Variants in CNN3 observed in about 807,000 individuals in gnomAD.
The protein encoded by CNN3 is calponin-3.
In CNN3, 11 loss-of-function variants were observed where a neutral mutation model predicts 39.0. The observed-to-expected ratio is 0.28, with a 90% CI of 0.18 to 0.47. The LOEUF is 0.47. Among genes scored for constraint, CNN3 ranks in the 20% least tolerant of loss-of-function variants. CNN3 has a pLI of 0.99. For synonymous variants in CNN3, 101 were observed against 138.3 expected, an observed-to-expected ratio of 0.73 and a Z score of 1.89; for missense variants, 266 against 403.4, an observed-to-expected ratio of 0.66 and a Z score of 2.92.
intron 1 of CNN3, among the ~76,000 whole-genome samples, chr1:94,918,493 C>A (rs1346139365): frequency 3.3e-5 from 1 of 29,962 alleles, no homozygotes; most frequent in Non-Finnish European, 7.7e-5. Flanking sequence ...GACTGTCTCC[C>A]AAAAAAAATA....
At chr1:94,906,881 T>C (rs1671013329) in intron 1 of CNN3, among the ~76,000 whole-genome samples, 1 of 152,370 alleles carries the variant, frequency 6.6e-6, no homozygotes, top group Non-Finnish European at 1.5e-5. Flanking sequence ...TTGTTCAAAA[T>C]GTGTCCAACA....
chr1:94,922,692 T>A (rs140915271), intron 1 of CNN3, among the ~76,000 whole-genome samples: 1 of 152,304 alleles, frequency 6.6e-6, no homozygotes, highest in Non-Finnish European at 1.5e-5. Context: ...CCTGGGTTAC[T>A]CTGATCAGAA....
chr1:94,914,167 G>GGACCTCTA (rs1338808712), intron 1 of CNN3, among the ~76,000 whole-genome samples: 1 of 152,176 alleles, frequency 6.6e-6, no homozygotes, highest in Non-Finnish European at 1.5e-5. Context: ...CTCTTCAGCA[G>GGACCTCTA]GACCTCTAGG....
chr1:94,914,647 C>G (rs1671239726), intron 1 of CNN3, among the ~76,000 whole-genome samples: 1 of 152,156 alleles, frequency 6.6e-6, no homozygotes, highest in South Asian at 2.1e-4. Flanking sequence ...GAGTCTAGAT[C>G]CAGGTCTAGA....
chr1:94,927,040 G>C lies in CNN3; in HGVS notation c.-146C>G, dbSNP rs1571542517. 2.4e-6 allele frequency: 2 copies of C among 823,686 alleles called. No homozygotes were observed. The highest frequency in any genetic ancestry group is 3.4e-4 in the Middle Eastern group (1 of 2,982). The allele number at this position is 823,686 out of a possible 1,614,324, so 51.0% of individuals were successfully genotyped here. The stretch of plus-strand genomic sequence containing the variant: ...GGCGCAGGAGACGGCCGCGGGGCGC[G>C]GGCGGTGCCTGGGCGACTGGGTCCA... On this transcript the variant is annotated 5_prime_UTR_variant, in exon 1 of 7. Coordinates refer to ENST00000370206, the MANE Select transcript of CNN3 (RefSeq NM_001839.5).
rs1671282973 is a variant in CNN3 at position 94,916,532 on chromosome 1, C to T, written c.57+10306G>A. ...GCCTCTCTGTAGCACCTAGTATTTT[C>T]CAGGAGGGCCCTCTAATCTCTCCTC... is the stretch of plus-strand genomic sequence containing the variant. On this transcript the variant is annotated intron_variant, in intron 1 of 6. Coordinates refer to ENST00000370206, the MANE Select transcript of CNN3 (RefSeq NM_001839.5). Among the ~76,000 whole-genome samples, 2 of 152,178 alleles carry T rather than the reference C, an allele frequency of 1.3e-5. 1 individual carries two copies. Among genetic ancestry groups the T allele is most frequent in the South Asian group, 4.1e-4 (2 of 4,834 alleles).
At chr1:94,903,853 CTTTAAGG>C (rs1670932779) in intron 1 of CNN3, among the ~76,000 whole-genome samples, 1 of 152,148 alleles carries the variant, frequency 6.6e-6, no homozygotes, top group African/African-American at 2.4e-5. Flanking sequence ...GGCACTCAAA[CTTTAAGG>C]TTTAAGTCAT....
chr1:94,913,910 G>T (rs1395482828), intron 1 of CNN3, among the ~76,000 whole-genome samples: 3 of 152,196 alleles, frequency 2.0e-5, no homozygotes, highest in Non-Finnish European at 4.4e-5. Context: ...CTCCAAGAAA[G>T]CTTGTTGGAG....
At chr1:94,912,314 A>G (rs900478275) in intron 1 of CNN3, among the ~76,000 whole-genome samples, 1 of 152,238 alleles carries the variant, frequency 6.6e-6, no homozygotes, top group Non-Finnish European at 1.5e-5. Context: ...AGACTCAGAA[A>G]TAACAAGTAA....
chr1:94,926,334 C>T lies in CNN3; in HGVS notation c.57+504G>A, dbSNP rs920168628. On this transcript the variant is annotated intron_variant, in intron 1 of 6. Coordinates refer to ENST00000370206, the MANE Select transcript of CNN3 (RefSeq NM_001839.5). The surrounding 1 kb of genome is among the most constrained non-coding windows in gnomAD (Gnocchi z 4.2). The stretch of plus-strand genomic sequence containing the variant: ...GACCGGCTTCCGTTCCTCGGGGCCC[C>T]TGGGGTCGGCGGGACATTAGGCGGT... Among the ~76,000 whole-genome samples the T allele has an allele frequency of 3.3e-5, 5 of 152,168 alleles. No homozygotes were observed. The highest frequency in any genetic ancestry group is 1.2e-4 in the African/African-American group (5 of 41,468).
chr1:94,904,373 G>A (rs1241987106), intron 1 of CNN3, among the ~76,000 whole-genome samples: 4 of 151,992 alleles, frequency 2.6e-5, no homozygotes, highest in Non-Finnish European at 5.9e-5. Context: ...ACAAAATATT[G>A]TGAAAAAAAT....
chr1:94,902,299 T>C lies in CNN3; in HGVS notation c.247-41A>G, dbSNP rs370055044. ...GTTTTATAATTTCTGGAGCTAAATA[T>C]TGACATTCATAATTTCTAAGAATTC... On this transcript the variant is annotated intron_variant, in intron 3 of 6. Transcript: ENST00000370206. The C allele has an allele frequency of 1.2e-5, 18 of 1,542,154 alleles. No individual in the cohort carries two copies. The East Asian group carries it at 2.9e-4, about 25-fold the overall frequency.
intron 5 of CNN3, among the ~76,000 whole-genome samples, chr1:94,900,432 T>C (rs1262916167): frequency 6.6e-6 from 1 of 152,226 alleles, no homozygotes; most frequent in Non-Finnish European, 1.5e-5. Context: ...CATGTGCATT[T>C]TTAATTTTAA....
rs1671567737 is a variant in CNN3 at position 94,926,026 on chromosome 1, G to A, written c.57+812C>T. ...CATTCTTGGGCTCAGTGGCAAAGCT[G>A]AGCGTCACCAAATCCCAATCGCTCC... On this transcript the variant is annotated intron_variant, in intron 1 of 6. Coordinates refer to ENST00000370206, the MANE Select transcript of CNN3 (RefSeq NM_001839.5). The surrounding 1 kb of genome is among the most constrained non-coding windows in gnomAD (Gnocchi z 4.2). 6.6e-6 allele frequency among the ~76,000 whole-genome samples: 1 copy of A among 152,140 alleles called. No individual in the cohort carries two copies. Among genetic ancestry groups the A allele is most frequent in the African/African-American group, 2.4e-5 (1 of 41,424 alleles).
chr1:94,908,986 A>AG (rs1318432877), intron 1 of CNN3, among the ~76,000 whole-genome samples: 2 of 149,864 alleles, frequency 1.3e-5, no homozygotes, highest in Admixed American at 6.7e-5. Context: ...CTTTAAAAAA[A>AG]AAAAAAAAAA....
chr1:94,917,385 G>A (rs894439939), intron 1 of CNN3, among the ~76,000 whole-genome samples: 3 of 152,106 alleles, frequency 2.0e-5, no homozygotes, highest in South Asian at 2.1e-4. Flanking sequence ...TGGAAAAAAC[G>A]CCCTCATCCC....
chr1:94,924,577 C>G (rs924314316), intron 1 of CNN3: 8 of 152,286 alleles, frequency 5.3e-5, no homozygotes, highest in African/African-American at 1.9e-4. Context: ...GAGCTGAGAT[C>G]GCGCCACTGC....
intron 1 of CNN3, among the ~76,000 whole-genome samples, chr1:94,917,937 C>T (rs2101737082): frequency 6.6e-6 from 1 of 152,298 alleles, no homozygotes; most frequent in Middle Eastern, 3.4e-3. Flanking sequence ...GATTCGGACC[C>T]AGATCTGACT....
chr1:94,901,005 A>G (rs1182350459), intron 5 of CNN3, among the ~76,000 whole-genome samples: 3 of 152,104 alleles, frequency 2.0e-5, no homozygotes, highest in Non-Finnish European at 4.4e-5. Context: ...GGACTGCTTG[A>G]GCTCCAGAGT....
Sources: allele counts gnomAD v4.1 joint callset (sites outside exome capture counted in the v4.1 genomes callset), GRCh38; gene constraint gnomAD v4.1.1; non-coding constraint Gnocchi (gnomAD v3.1); transcripts MANE v1.5; gene names NCBI Gene and HGNC (gene_info 2026-07-23, HGNC 2026-07-21).